RPGR: variants seen among roughly 807,000 people sequenced by gnomAD.
The protein encoded by RPGR is retinitis pigmentosa GTPase regulator.
Under a neutral mutation model 56.3 loss-of-function variants are expected in RPGR, and 10 were observed. That is an observed-to-expected ratio of 0.18 (90% CI 0.11 to 0.30). The LOEUF (loss-of-function observed/expected upper bound fraction) is 0.30, where lower values mean the gene tolerates loss of function less well. Among genes scored for constraint, RPGR ranks in the 10% least tolerant of loss-of-function variants. The pLI, the probability that RPGR is intolerant of heterozygous loss-of-function variation, is 1.00. For synonymous variants in RPGR, 197 were observed against 212.9 expected, an observed-to-expected ratio of 0.93 and a Z score of 0.65; for missense variants, 538 against 590.9, an observed-to-expected ratio of 0.91 and a Z score of 0.93.
intron 9 of RPGR, among the ~76,000 whole-genome samples, chrX:38,300,123 T>C (rs61620992): frequency 0.02 from 2,254 of 111,218 alleles, 53 homozygotes; most frequent in African/African-American, 0.07. Flanking sequence ...CTAATTTTTG[T>C]ATTTTTAGTA....
Position 38,303,962 on chromosome X carries a change from C to G in RPGR, c.934+673G>C, listed in dbSNP as rs769665499. 3.1e-3 allele frequency: 870 copies of G among 278,910 alleles called. 3 individuals are homozygous for G. The highest frequency in any genetic ancestry group is 8.6e-3 in the Middle Eastern group (9 of 1,050). The allele number at this position is 278,910 out of a possible 1,213,427, so 23.0% of individuals were successfully genotyped here. On this transcript the variant is annotated intron_variant, in intron 8 of 18. Transcript: ENST00000642395. The stretch of plus-strand genomic sequence containing the variant: ...CCCGTTTGTCACAAAGCATTGAAAA[C>G]TGTGGACTATATCAATTACCTACAT...
At chrX:38,277,462 ACT>A (rs757972087) in intron 15 of RPGR, among the ~76,000 whole-genome samples, 1 of 109,558 alleles carries the variant, frequency 9.1e-6, no homozygotes, top group East Asian at 2.8e-4. Context: ...TTTATTCTAC[ACT>A]GAGATTTCTT....
chrX:38,280,437 ATGGGAAC>A (rs991773137), intron 15 of RPGR, among the ~76,000 whole-genome samples: 9 of 111,305 alleles, frequency 8.1e-5, no homozygotes, highest in Non-Finnish European at 1.5e-4. Flanking sequence ...GGAAGGAGCC[ATGGGAAC>A]TGGGGAGAGG....
intron 3 of RPGR, among the ~76,000 whole-genome samples, chrX:38,321,808 C>T (rs73192570): frequency 0.15 from 16,584 of 111,119 alleles, 1,108 homozygotes; most frequent in Middle Eastern, 0.27. Context: ...AATGAAAAAC[C>T]GAAGACCAAT....
intron 7 of RPGR, among the ~76,000 whole-genome samples, chrX:38,309,068 A>G (rs1462725156): frequency 2.7e-5 from 3 of 112,105 alleles, no homozygotes; most frequent in Non-Finnish European, 5.6e-5. Flanking sequence ...ATAATTCACT[A>G]CCTAATTGTA....
At position 38,309,281 on chromosome X, in the gene RPGR, C is replaced by A. The variant is rs1375900658; in HGVS notation, c.778+1334G>T. Among the ~76,000 whole-genome samples, 3 of 111,501 alleles carry A rather than the reference C, an allele frequency of 2.7e-5. No homozygotes were observed. The East Asian group carries it at 8.4e-4, about 31-fold the overall frequency. The stretch of plus-strand genomic sequence containing the variant: ...TTCTTTTATTATCTGTAATTTAAAA[C>A]CATACCACTTTTTAATGAATTACTA... On this transcript the variant is annotated intron_variant, in intron 7 of 18. Transcript: ENST00000642395.
chrX:38,323,911 G>A (rs1465190872), intron 1 of RPGR, among the ~76,000 whole-genome samples: 1 of 112,117 alleles, frequency 8.9e-6, no homozygotes. Context: ...GCCTCTGACT[G>A]AGAGCTTTTC....
At chrX:38,307,335 A>T (rs5963025) in intron 7 of RPGR, among the ~76,000 whole-genome samples, 18,490 of 111,687 alleles carry the variant, frequency 0.17, 1,555 homozygotes, top group East Asian at 0.58. Flanking sequence ...TCACCCTATC[A>T]CTACAACCAG....
intron 9 of RPGR, among the ~76,000 whole-genome samples, chrX:38,299,650 T>C (rs2067464445): frequency 9.1e-6 from 1 of 110,470 alleles, no homozygotes; most frequent in African/African-American, 3.3e-5. Flanking sequence ...AATGCAAGTA[T>C]GCGTGATTAC....
In RPGR at chrX:38,320,930, A is replaced by G. The variant is rs369860814; in HGVS notation, c.310+97T>C. The G allele has an allele frequency of 3.3e-5, 22 of 676,506 alleles. 1 individual carries two copies. Among genetic ancestry groups the G allele is most frequent in the Admixed American group, 3.2e-4 (12 of 37,590 alleles). The allele number at this position is 676,506 out of a possible 1,213,427, so 55.8% of individuals were successfully genotyped here. A position where few individuals can be genotyped will look rare whatever the true frequency, so the allele number is the denominator to read the frequency against. On this transcript the variant is annotated intron_variant, in intron 4 of 18. Transcript: ENST00000642395. ...AAAAAACCCTAATTTTACTGTTGCCAAAGTATAATCTCTATTAATTTTACA... is the reference window on the plus strand; with the variant it reads ...AAAAAACCCTAATTTTACTGTTGCCGAAGTATAATCTCTATTAATTTTACA...
At chrX:38,313,820 T>C (rs1182973737) in intron 6 of RPGR, among the ~76,000 whole-genome samples, 3 of 112,410 alleles carry the variant, frequency 2.7e-5, no homozygotes, top group Non-Finnish European at 5.6e-5. Flanking sequence ...ATAGTTTGAC[T>C]GTAAACTTCA....
At chrX:38,309,565 C>T (rs1382519348) in intron 7 of RPGR, among the ~76,000 whole-genome samples, 9 of 112,662 alleles carry the variant, frequency 8.0e-5, no homozygotes, top group African/African-American at 2.9e-4. Context: ...TGGTGGCTCA[C>T]GCCTGTAATC....
At chrX:38,297,238 TA>T in intron 11 of RPGR, 45 bp downstream of exon 11, 1 of 1,156,745 alleles carries the variant, frequency 8.6e-7, no homozygotes, top group Non-Finnish European at 1.2e-6. Context: ...ACTACAGGAA[TA>T]AAAGGCACAT....
chrX:38,317,147 T>G (rs182921829), intron 6 of RPGR, 169 bp downstream of exon 6: 1 of 474,048 alleles, frequency 2.1e-6, no homozygotes, highest in African/African-American at 2.4e-5. Context: ...TTATGAACTC[T>G]TATTATATAA....
At chrX:38,284,492 G>A (rs1442574161) in intron 15 of RPGR, 1 of 745,798 alleles carries the variant, frequency 1.3e-6, no homozygotes, top group Non-Finnish European at 1.6e-6. Flanking sequence ...AATACATTGA[G>A]GGCATATAAC....
intron 7 of RPGR, among the ~76,000 whole-genome samples, chrX:38,308,617 TA>T (rs1276641028): frequency 5.4e-5 from 6 of 111,656 alleles, no homozygotes; most frequent in Non-Finnish European, 1.1e-4. Context: ...ATATAACACA[TA>T]AAGTTGCATT....
chrX:38,283,953 C>T (rs968803514), intron 15 of RPGR, among the ~76,000 whole-genome samples: 6 of 111,582 alleles, frequency 5.4e-5, no homozygotes, highest in African/African-American at 2.0e-4. Flanking sequence ...TGAATGTGGT[C>T]GAATTCGGTA....
intron 3 of RPGR, among the ~76,000 whole-genome samples, chrX:38,322,311 T>C (rs2067957445): frequency 8.9e-6 from 1 of 111,924 alleles, no homozygotes; most frequent in Non-Finnish European, 1.9e-5. Flanking sequence ...GTATTATATA[T>C]CTAATATTTT....
chrX:38,269,673 G>C lies in RPGR; in HGVS notation c.2401C>G (p.Pro801Ala). ...GATCTTCTCTCTGTATTTGTTGGTG[G>C]GATATTCTGATGATTCTGACTCATG... The change falls in exon 19 of 19, where the codon CCA becomes GCA. Residue 801 changes from proline (P) to alanine (A), a missense_variant. Pro to Ala is a conservative substitution (Grantham distance 27, BLOSUM62 -1). Transcript: ENST00000642395. The C allele has an allele frequency of 8.3e-7, 1 of 1,207,768 alleles. No homozygotes were observed. The highest frequency in any genetic ancestry group is 1.1e-6 in the Non-Finnish European group (1 of 892,382).
Sources: allele counts gnomAD v4.1 joint callset (sites outside exome capture counted in the v4.1 genomes callset), GRCh38; gene constraint gnomAD v4.1.1; transcripts MANE v1.5; gene names NCBI Gene and HGNC (gene_info 2026-07-23, HGNC 2026-07-21).